TERT: variants seen among roughly 807,000 people sequenced by gnomAD.
TERT encodes telomerase reverse transcriptase, also known as telomerase catalytic subunit.
TERT carries 42 observed loss-of-function variants against 104.0 expected under a neutral mutation model. The observed-to-expected ratio is 0.40, with a 90% CI of 0.32 to 0.52. The LOEUF (loss-of-function observed/expected upper bound fraction) is 0.52. TERT is among the 20% of genes least tolerant of loss of function. TERT has a pLI of 0.43. For synonymous variants in TERT, 781 were observed against 725.6 expected (o/e 1.08, Z -1.23); for missense variants, 1,101 against 1,610.3 (o/e 0.68, Z 5.41).
rs1475226838 is a variant in TERT, at chr5:1,286,646, G to T, written c.1574-4022C>A. 6.6e-6 allele frequency among the ~76,000 whole-genome samples: 1 copy of T among 152,188 alleles called. No homozygotes were observed. The highest frequency in any genetic ancestry group is 1.5e-5 in the Non-Finnish European group (1 of 68,032). ...TAATCCCAGCACTGTGGGAGGCCAA[G>T]GCGGGCAGATCACTTGAGGTCAGGA... On this transcript the variant is annotated intron_variant, in intron 2 of 15. Coordinates refer to ENST00000310581, the MANE Select transcript of TERT (RefSeq NM_198253.3). This position sits in a 1 kb window ranked among gnomAD's most constrained non-coding sequence, Gnocchi z 5.3.
chr5:1,276,254 AT>A (rs1749576610), intron 6 of TERT, among the ~76,000 whole-genome samples: 1 of 142,390 alleles, frequency 7.0e-6, no homozygotes, highest in Non-Finnish European at 1.5e-5. Context: ...ATGAAAACCA[AT>A]TCACAGATCT....
chr5:1,290,193 A>G (rs367923562), intron 2 of TERT, among the ~76,000 whole-genome samples: 28 of 59,514 alleles, frequency 4.7e-4, no homozygotes, highest in African/African-American at 5.9e-4. Flanking sequence ...CACTCACCCT[A>G]CACGTGACAG....
At chr5:1,260,695 C>T (rs536178211) in intron 11 of TERT, 95 bp from the exon 12 acceptor site, 766 of 1,564,848 alleles carry the variant, frequency 4.9e-4, no homozygotes, top group Middle Eastern at 2.3e-3. Context: ...GCCTTCCTCC[C>T]GCTTCCTTGT....
rs1277935453 is a variant in TERT, at chr5:1,253,622, G to A, written c.*106C>T. 8.6e-6 allele frequency: 8 copies of A among 935,482 alleles called. No individual in the cohort carries two copies. The highest frequency in any genetic ancestry group is 1.6e-5 in the African/African-American group (1 of 61,836). 57.9% of individuals were successfully genotyped at this position (935,482 alleles called of 1,614,324 possible). ...CACTCACTCAGGCCTCAGACTCCCAGCGGTGCGGGCCTGGGTGTGGGCCGC... is the reference window on the plus strand; with the variant it reads ...CACTCACTCAGGCCTCAGACTCCCAACGGTGCGGGCCTGGGTGTGGGCCGC... On this transcript the variant is annotated 3_prime_UTR_variant, in exon 16 of 16. Transcript: ENST00000310581.
chr5:1,271,268 G>A (rs1184738779), intron 7 of TERT, 64 bp from the exon 8 acceptor site: 26 of 1,209,686 alleles, frequency 2.1e-5, no homozygotes, highest in Admixed American at 3.5e-5. Context: ...GCAGGACCAC[G>A]TGGCCAAGAC....
intron 3 of TERT, 84 bp downstream of exon 3, chr5:1,282,345 G>T (rs1005244429): frequency 6.9e-7 from 1 of 1,446,806 alleles, no homozygotes; most frequent in Non-Finnish European, 9.7e-7. Flanking sequence ...GGGAAGCACA[G>T]GCAAGTGGAG....
intron 9 of TERT, among the ~76,000 whole-genome samples, chr5:1,266,936 C>T (rs776720488): frequency 6.6e-6 from 1 of 152,166 alleles, no homozygotes; most frequent in Non-Finnish European, 1.5e-5. Context: ...CAGCATGATC[C>T]GAGACCCAGA....
At chr5:1,258,703 G>A in intron 12 of TERT, 44 bp from the exon 13 acceptor site, 1 of 1,506,580 alleles carries the variant, frequency 6.6e-7, no homozygotes, top group South Asian at 1.2e-5. Context: ...AAACCTCTCT[G>A]GGATTTTAAG....
At chr5:1,280,390 G>C in intron 3 of TERT, 52 bp from the exon 4 acceptor site, 1 of 1,588,058 alleles carries the variant, frequency 6.3e-7, no homozygotes, top group Non-Finnish European at 8.6e-7. Flanking sequence ...ACAGACTAGG[G>C]GGAAGCTCAC....
At chr5:1,290,294 C>G (rs1750806216) in intron 2 of TERT, among the ~76,000 whole-genome samples, 3 of 62,244 alleles carry the variant, frequency 4.8e-5, no homozygotes, top group African/African-American at 2.2e-4. Flanking sequence ...ACAGGGACAC[C>G]CGGGGACGGC....
In TERT at chr5:1,265,101, G is replaced by A. The variant is rs116293224; in HGVS notation, c.2655-509C>T. Reference sequence around the variant, plus strand: ...TCCTGCTCAGGCGCGGGACCTGGCTGGGCTGTGAGCTGGGCAACACCAGTC... The same window carrying A: ...TCCTGCTCAGGCGCGGGACCTGGCTAGGCTGTGAGCTGGGCAACACCAGTC... On this transcript the variant is annotated intron_variant, in intron 10 of 15. Coordinates refer to ENST00000310581, the MANE Select transcript of TERT (RefSeq NM_198253.3). This position sits in a 1 kb window ranked among gnomAD's most constrained non-coding sequence, Gnocchi z 6.9. Among the ~76,000 whole-genome samples the A allele has an allele frequency of 4.8e-3, 734 of 152,324 alleles. 4 individuals carry two copies. Among genetic ancestry groups the A allele is most frequent in the African/African-American group, 0.017 (704 of 41,554 alleles).
chr5:1,278,455 A>ACC (rs34682571), intron 6 of TERT, among the ~76,000 whole-genome samples, 186 bp downstream of exon 6: 7 of 151,596 alleles, frequency 4.6e-5, no homozygotes, highest in Admixed American at 1.3e-4. Context: ...ACACACACAC[A>ACC]CCACAAATAT....
At position 1,266,457 on chromosome 5, in the gene TERT, G is replaced by T. The variant is rs1372370708; in HGVS notation, c.2654+7C>A. 1 of 1,605,056 alleles carries T rather than the reference G, an allele frequency of 6.2e-7. No homozygotes were observed. Among genetic ancestry groups the T allele is most frequent in the South Asian group, 1.1e-5 (1 of 88,850 alleles). On this transcript the variant is annotated splice_region_variant and intron_variant, in intron 10 of 15. Transcript: ENST00000310581. The stretch of plus-strand genomic sequence containing the variant: ...AGGTCCCCACAGACACACGGCACGG[G>T]CCTCACCTGAGGAAGGTTTTCGCGT...
At chr5:1,264,688 A>G in intron 10 of TERT, 96 bp from the exon 11 acceptor site, 1 of 1,462,668 alleles carries the variant, frequency 6.8e-7, no homozygotes, top group East Asian at 2.3e-5. Context: ...ACCCCAGAGA[A>G]GTGGTGATTT....
At position 1,280,422 on chromosome 5, in the gene TERT, G is replaced by A. The variant is rs532048548; in HGVS notation, c.1770-84C>T. 245 of 1,463,312 alleles carry A rather than the reference G, an allele frequency of 1.7e-4. No homozygotes were observed. The Middle Eastern group carries it at 3.8e-3, about 23-fold the overall frequency. The allele number at this position is 1,463,312 out of a possible 1,614,324, so 90.6% of individuals were successfully genotyped here. On this transcript the variant is annotated intron_variant, in intron 3 of 15. Coordinates refer to ENST00000310581, the MANE Select transcript of TERT (RefSeq NM_198253.3). Reference sequence around the variant, plus strand: ...TCACGGGAAGCCACAAGCCCCCACCGACTCAGTGAGGGCTCAGGGCACCCA... The same window carrying A: ...TCACGGGAAGCCACAAGCCCCCACCAACTCAGTGAGGGCTCAGGGCACCCA...
chr5:1,294,325 C>T lies in TERT; in HGVS notation c.561G>A (p.Pro187=), dbSNP rs1360926015. The T allele has an allele frequency of 3.2e-6, 5 of 1,582,826 alleles. No homozygotes were observed. Among genetic ancestry groups the T allele is most frequent in the Non-Finnish European group, 3.4e-6 (4 of 1,171,532 alleles). The change falls in exon 2 of 16, where the codon CCG becomes CCA. Residue 187 remains proline (P), a synonymous_variant. Transcript: ENST00000310581. The stretch of plus-strand genomic sequence containing the variant: ...GCCTTCGGGGTCCACTAGCGTGTGG[C>T]GGGGGCCGGGCCTGAGTGGCAGCGC... ...QLGAATQARP[P]PHASGPRRRL... is the part of the protein sequence containing the mutation.
In TERT at chr5:1,269,826, A is replaced by G. The variant is rs764092315; in HGVS notation, c.2469-1193T>C. On this transcript the variant is annotated intron_variant, in intron 8 of 15. Coordinates refer to ENST00000310581, the MANE Select transcript of TERT (RefSeq NM_198253.3). This position sits in a 1 kb window ranked among gnomAD's most constrained non-coding sequence, Gnocchi z 9.0. ...TTAGTTTTTGGGGCAACAGGTTTTG[A>G]AGACGTTTTTATTCAGAGGCCAAAC... Among the ~76,000 whole-genome samples, 2 of 152,042 alleles carry G rather than the reference A, an allele frequency of 1.3e-5. No individual in the cohort carries two copies. Among genetic ancestry groups the G allele is most frequent in the Non-Finnish European group, 2.9e-5 (2 of 68,016 alleles).
intron 2 of TERT, among the ~76,000 whole-genome samples, chr5:1,283,983 T>C (rs1750268630): frequency 7.8e-6 from 1 of 127,724 alleles, no homozygotes; most frequent in African/African-American, 3.1e-5. Flanking sequence ...ACCTGCACCA[T>C]CCGGATACAG....
intron 2 of TERT, chr5:1,282,920 G>A (rs1349364778): frequency 1.6e-5 from 8 of 491,474 alleles, no homozygotes; most frequent in African/African-American, 4.0e-5. Flanking sequence ...AGGGCCTGGC[G>A]AACTCACCCC....
Sources: gnomAD v4.1 joint callset for allele counts (sites outside exome capture counted in the v4.1 genomes callset) on GRCh38, gnomAD v4.1.1 for gene constraint, Gnocchi (gnomAD v3.1) non-coding constraint, MANE v1.5 for transcripts, NCBI Gene and HGNC (gene_info 2026-07-23, HGNC 2026-07-21) for gene names.